The following NLGN1 variants were observed in gnomAD, a reference collection of about 807,000 sequenced individuals.
NLGN1 encodes neuroligin-1.
In NLGN1, 12 loss-of-function variants were observed where a neutral mutation model predicts 65.5. The observed-to-expected ratio is 0.18, with a 90% confidence interval of 0.12 to 0.30. The LOEUF (loss-of-function observed/expected upper bound fraction) is 0.30. Ranked by LOEUF, NLGN1 falls within the 10% of genes least tolerant of loss-of-function variation. The pLI is 1.00. For synonymous variants in NLGN1, 350 were observed against 359.5 expected (o/e 0.97, Z 0.30); for missense variants, 750 against 1,007.1 (o/e 0.74, Z 3.46).
chr3:173,560,577 C>T (rs2149295562), intron 2 of NLGN1, among the ~76,000 whole-genome samples: 1 of 152,018 alleles, frequency 6.6e-6, no homozygotes, highest in East Asian at 1.9e-4. Context: ...TAGGTTAGCA[C>T]CAGTTTTACT....
At chr3:173,782,691 C>CTT (rs5854538) in intron 3 of NLGN1, among the ~76,000 whole-genome samples, 1,622 of 144,632 alleles carry the variant, frequency 0.011, 32 homozygotes, top group African/African-American at 0.035. Flanking sequence ...CAAAGCTTAC[C>CTT]TTTTTTTTTT....
At chr3:174,233,523 AAAAT>A (rs72384268) in intron 4 of NLGN1, among the ~76,000 whole-genome samples, 47,153 of 150,406 alleles carry the variant, frequency 0.31, 8,000 homozygotes, top group East Asian at 0.52. Context: ...AATAATATAA[AAAAT>A]AAACAGTTAA....
chr3:173,695,571 C>A, intron 3 of NLGN1: 1 of 347,672 alleles, frequency 2.9e-6, no homozygotes, highest in Non-Finnish European at 5.7e-6. Flanking sequence ...TTACACTATA[C>A]TAGCATGCTA....
intron 4 of NLGN1, among the ~76,000 whole-genome samples, chr3:174,244,624 T>A (rs1743458092): frequency 6.6e-6 from 1 of 152,236 alleles, no homozygotes; most frequent in African/African-American, 2.4e-5. Flanking sequence ...TAAAATTGAC[T>A]ATTACTACAA....
chr3:174,136,774 A>T (rs1035985271), intron 4 of NLGN1, among the ~76,000 whole-genome samples: 1 of 152,134 alleles, frequency 6.6e-6, no homozygotes, highest in African/African-American at 2.4e-5. Context: ...AGGTGTTAAT[A>T]TGCCAGGTTT....
chr3:173,532,398 A>G (rs927535167), intron 2 of NLGN1, among the ~76,000 whole-genome samples: 10 of 152,182 alleles, frequency 6.6e-5, no homozygotes, highest in African/African-American at 1.9e-4. Context: ...TCATATTCCT[A>G]ATGTTCTATG....
chr3:174,187,935 C>G (rs994318270), intron 4 of NLGN1, among the ~76,000 whole-genome samples: 2 of 151,942 alleles, frequency 1.3e-5, no homozygotes, highest in Non-Finnish European at 2.9e-5. Flanking sequence ...TTAAGCACAA[C>G]TCTTAGCACA....
chr3:173,633,243 T>A (rs899103253), intron 3 of NLGN1, among the ~76,000 whole-genome samples: 1 of 152,140 alleles, frequency 6.6e-6, no homozygotes, highest in East Asian at 1.9e-4. Flanking sequence ...CCATAACAAG[T>A]TTGAAACCTT....
chr3:173,787,658 A>G (rs984292007), intron 3 of NLGN1, among the ~76,000 whole-genome samples: 9 of 152,220 alleles, frequency 5.9e-5, no homozygotes, highest in African/African-American at 1.7e-4. Flanking sequence ...GATTCTTGTA[A>G]TCCAGCAACC....
At chr3:173,617,046 A>G (rs1221428982) in intron 3 of NLGN1, among the ~76,000 whole-genome samples, 1 of 152,066 alleles carries the variant, frequency 6.6e-6, no homozygotes, top group Non-Finnish European at 1.5e-5. Context: ...TGGAATAGTC[A>G]ACCTCCATCC....
At chr3:173,545,469 T>C (rs1025453697) in intron 2 of NLGN1, among the ~76,000 whole-genome samples, 29 of 152,208 alleles carry the variant, frequency 1.9e-4, no homozygotes, top group African/African-American at 7.0e-4. Flanking sequence ...TTTAACAAAG[T>C]ATGTGGAAAT....
chr3:173,782,545 A>G (rs536944593), intron 3 of NLGN1, among the ~76,000 whole-genome samples: 1 of 152,262 alleles, frequency 6.6e-6, no homozygotes, highest in African/African-American at 2.4e-5. Context: ...GAATGTTTGT[A>G]GTTTATGGAC....
chr3:173,872,221 G>A (rs1287943696), intron 4 of NLGN1, among the ~76,000 whole-genome samples: 4 of 152,190 alleles, frequency 2.6e-5, no homozygotes, highest in South Asian at 4.1e-4. Flanking sequence ...GCAGGAGGAC[G>A]ATTTGATTTG....
At chr3:174,285,733 A>G (rs1441515323) in exon 7 of NLGN1, 1 of 151,470 alleles carries the variant, frequency 6.6e-6, no homozygotes, top group Non-Finnish European at 1.5e-5. Context: ...GAGAATACAG[A>G]CTGGAATAAC....
intron 3 of NLGN1, among the ~76,000 whole-genome samples, chr3:173,736,902 A>C (rs1292795786): frequency 6.6e-6 from 1 of 152,080 alleles, no homozygotes; most frequent in Non-Finnish European, 1.5e-5. Flanking sequence ...ATTATGAGCA[A>C]TATTGGTGCA....
At chr3:174,269,072 G>A (rs183733031) in intron 4 of NLGN1, among the ~76,000 whole-genome samples, 46 of 151,992 alleles carry the variant, frequency 3.0e-4, no homozygotes, top group Admixed American at 2.6e-3. Flanking sequence ...CAATAGCAAG[G>A]AAGCCAGCTA....
At chr3:174,156,658 G>A (rs1383728582) in intron 4 of NLGN1, among the ~76,000 whole-genome samples, 1 of 151,660 alleles carries the variant, frequency 6.6e-6, no homozygotes, top group East Asian at 1.9e-4. Flanking sequence ...TCTCACTTAA[G>A]GAGGTCTTCA....
intron 3 of NLGN1, among the ~76,000 whole-genome samples, chr3:173,766,870 A>C (rs934734465): frequency 6.6e-6 from 1 of 152,226 alleles, no homozygotes; most frequent in Admixed American, 6.5e-5. Flanking sequence ...TATACAGAGT[A>C]TCATTAAATA....
In NLGN1 at chr3:173,818,895, C is replaced by CTTTTTTTTTTT. The variant is rs200212547; in HGVS notation, c.646+11069_646+11079dup. ...AATTTTGTTCTGCCTTTGAATAGTT[C>CTTTTTTTTTTT]TTTTTTTTTTTTTTTTCCAGTAAGG... On this transcript the variant is annotated intron_variant, in intron 4 of 6. Transcript: ENST00000457714. 6.2e-3 allele frequency among the ~76,000 whole-genome samples: 576 copies of CTTTTTTTTTTT among 92,346 alleles called. 81 individuals are homozygous for CTTTTTTTTTTT. Among genetic ancestry groups the CTTTTTTTTTTT allele is most frequent in the South Asian group, 0.016 (50 of 3,196 alleles). The allele number at this position is 92,346 out of a possible 152,430, so 60.6% of individuals were successfully genotyped here. A position where few individuals can be genotyped will look rare whatever the true frequency, so the allele number is the denominator to read the frequency against.
Sources: allele counts gnomAD v4.1 joint callset (sites outside exome capture counted in the v4.1 genomes callset), GRCh38; gene constraint gnomAD v4.1.1; transcripts MANE v1.5; gene names NCBI Gene and HGNC (gene_info 2026-07-23, HGNC 2026-07-21).